Variants in PLK4 observed in about 807,000 individuals in gnomAD.
PLK4 encodes the protein polo like kinase 4.
PLK4 carries 51 observed loss-of-function variants against 103.0 expected under a neutral mutation model. The observed-to-expected ratio is 0.50, with a 90% CI of 0.40 to 0.63. The LOEUF (loss-of-function observed/expected upper bound fraction) is 0.63. PLK4 is among the 20% of genes least tolerant of loss of function. PLK4 has a pLI of 0.00. For synonymous variants in PLK4, 389 were observed against 376.8 expected, an observed-to-expected ratio of 1.03 and a Z score of -0.38; for missense variants, 1,054 against 1,151.0, an observed-to-expected ratio of 0.92 and a Z score of 1.22.
At chr4:127,887,738 G>T (rs979068341) in intron 6 of PLK4, among the ~76,000 whole-genome samples, 1 of 151,612 alleles carries the variant, frequency 6.6e-6, no homozygotes, top group Non-Finnish European at 1.5e-5. Context: ...AGTTGAGTGT[G>T]GTGGCATGTA....
intron 13 of PLK4, among the ~76,000 whole-genome samples, chr4:127,894,314 C>T (rs1032831789): frequency 1.3e-5 from 2 of 152,076 alleles, no homozygotes; most frequent in African/African-American, 2.4e-5. Context: ...GCAAGCTCCA[C>T]CTCCTGGGTT....
chr4:127,885,478 CAAAAAAA>C (rs397878802), intron 4 of PLK4, among the ~76,000 whole-genome samples: 3 of 49,808 alleles, frequency 6.0e-5, no homozygotes, highest in Non-Finnish European at 1.4e-4. Flanking sequence ...GACTCCGTCT[CAAAAAAA>C]AAAAAAAAAA....
rs1456235557 is a variant in PLK4, at chr4:127,881,927, G to C, written c.126+1G>C. On this transcript the variant is annotated splice_donor_variant, in intron 2 of 15. Transcript: ENST00000270861. LOFTEE classifies it high-confidence loss of function. ...TGGTTTGGAAGTTGCAATCAAAATG[G>C]TAAGAATAAACTAATCAACTTCTCT... 6.5e-7 allele frequency: 1 copy of C among 1,535,278 alleles called. No homozygotes were observed. The highest frequency in any genetic ancestry group is 1.4e-5 in the African/African-American group (1 of 73,298).
chr4:127,887,244 G>T (rs1172446842), intron 5 of PLK4, 152 bp from the exon 6 acceptor site: 4 of 556,462 alleles, frequency 7.2e-6, no homozygotes, highest in African/African-American at 1.9e-5. Flanking sequence ...GCTTTTTAAA[G>T]ATAGCATAGT....
chr4:127,892,193 T>G (rs918855603), intron 9 of PLK4, 172 bp from the exon 10 acceptor site: 6 of 418,980 alleles, frequency 1.4e-5, no homozygotes, highest in Non-Finnish European at 2.5e-5. Flanking sequence ...GGTTTCTGGA[T>G]ATTATGGACT....
chr4:127,889,939 G>T lies in PLK4; in HGVS notation c.1533G>T (p.Gln511His), dbSNP rs1391644922. ...ACTTCCAGGGCCATCCAGATTTGCA[G>T]AAGGACACATCAAAAAATGCCTGGA... ...NRDFQGHPDL[Q>H]KDTSKNAWTD... Residue 511 changes from glutamine to histidine, a missense_variant, in exon 7 of 16, where the codon CAG (glutamine) becomes CAT (histidine). Physicochemically the swap from Gln to His is conservative, Grantham distance 24. Transcript: ENST00000270861. The T allele has an allele frequency of 1.2e-6, 2 of 1,613,810 alleles. No homozygotes were observed. Among genetic ancestry groups the T allele is most frequent in the Non-Finnish European group, 1.7e-6 (2 of 1,179,876 alleles).
intron 7 of PLK4, among the ~76,000 whole-genome samples, chr4:127,890,548 A>G (rs1418260357): frequency 6.6e-6 from 1 of 152,178 alleles, no homozygotes; most frequent in Non-Finnish European, 1.5e-5. Flanking sequence ...TCACAATTCC[A>G]ATCAGTGAGC....
In PLK4 at chr4:127,881,925, T is replaced by C; in HGVS notation, c.125T>C (p.Met42Thr). ...IHTGLEVAIK[M>T]IDKKAMYKAG... Reference sequence around the variant, plus strand: ...ACTGGTTTGGAAGTTGCAATCAAAATGGTAAGAATAAACTAATCAACTTCT... The same window carrying C: ...ACTGGTTTGGAAGTTGCAATCAAAACGGTAAGAATAAACTAATCAACTTCT... Residue 42 changes from methionine to threonine, a missense_variant and splice_region_variant, in exon 2 of 16, where the codon ATG becomes ACG. Met to Thr is a moderately conservative substitution (Grantham distance 81). This residue lies in a region of PLK4 where 199 missense variants were observed against 270.1 expected (regional missense o/e 0.74). Coordinates refer to ENST00000270861, the MANE Select transcript of PLK4 (RefSeq NM_014264.5). 1 of 1,543,224 alleles carries C rather than the reference T, an allele frequency of 6.5e-7. No homozygotes were observed. The highest frequency in any genetic ancestry group is 2.2e-5 in the East Asian group (1 of 44,546).
chr4:127,882,479 G>A (rs1019944574), intron 2 of PLK4, among the ~76,000 whole-genome samples: 1 of 152,142 alleles, frequency 6.6e-6, no homozygotes, highest in Non-Finnish European at 1.5e-5. Flanking sequence ...ATTAGCTGCT[G>A]CTGGGCACGG....
In PLK4 at chr4:127,898,649, G is replaced by T; in HGVS notation, c.*108G>T. The T allele has an allele frequency of 1.6e-6, 1 of 622,054 alleles. No homozygotes were observed. The highest frequency in any genetic ancestry group is 2.8e-6 in the Non-Finnish European group (1 of 353,366). 38.5% of individuals were successfully genotyped at this position (622,054 alleles called of 1,614,324 possible). ...TAAAGTCTTCAGAAAGCCTTTCTAT[G>T]AAAGAATTTTAACCTATAATGTAAA... On this transcript the variant is annotated 3_prime_UTR_variant, in exon 16 of 16. Transcript: ENST00000270861.
rs554544482 is a variant in PLK4, at chr4:127,892,163, C to G, written c.2039-202C>G. On this transcript the variant is annotated intron_variant, in intron 9 of 15. Coordinates refer to ENST00000270861, the MANE Select transcript of PLK4 (RefSeq NM_014264.5). ...AATGATTATTTATAATTATAGTTAA[C>G]CAAATTTGACTCCCAGTTTGGTTTC... 1.3e-4 allele frequency: 50 copies of G among 372,292 alleles called. 1 individual carries two copies. Among genetic ancestry groups the G allele is most frequent in the Non-Finnish European group, 2.3e-4 (48 of 209,766 alleles). The allele number at this position is 372,292 out of a possible 1,614,324, so 23.1% of individuals were successfully genotyped here.
chr4:127,895,531 C>T (rs1481137708), intron 14 of PLK4, among the ~76,000 whole-genome samples: 2 of 131,598 alleles, frequency 1.5e-5, no homozygotes, highest in Non-Finnish European at 3.1e-5. Context: ...ACACCATTCT[C>T]CTGCCTCAGC....
chr4:127,881,278 G>C, intron 1 of PLK4, 114 bp downstream of exon 1: 2 of 1,571,316 alleles, frequency 1.3e-6, no homozygotes, highest in South Asian at 2.3e-5. Flanking sequence ...GGGCACCGAG[G>C]TGCTTAGGGA....
Position 127,883,476 on chromosome 4 carries a change from T to C in PLK4, c.260T>C (p.Leu87Pro). 6.5e-7 allele frequency: 1 copy of C among 1,529,082 alleles called. No individual in the cohort carries two copies. The allele number at this position is 1,529,082 out of a possible 1,614,324, so 94.7% of individuals were successfully genotyped here. The change falls in exon 4 of 16, where the codon CTG (leucine) becomes CCG (proline). Residue 87 changes from leucine to proline, a missense_variant. Leu to Pro is a moderately conservative substitution (Grantham distance 98). Coordinates refer to ENST00000270861, the MANE Select transcript of PLK4 (RefSeq NM_014264.5). Reference sequence around the variant, plus strand: ...TTTGAAGATAGCAATTATGTGTATCTGGTATTAGAAATGTGCCATAATGGA... The same window carrying C: ...TTTGAAGATAGCAATTATGTGTATCCGGTATTAGAAATGTGCCATAATGGA... ...NYFEDSNYVYLVLEMCHNGEM... is the reference protein window; with the variant it reads ...NYFEDSNYVYPVLEMCHNGEM...
Position 127,898,873 on chromosome 4 carries a change from C to T in PLK4, c.*332C>T, listed in dbSNP as rs926624211. ...ATTTGTGCTTTTATTGTTTTCCCTG[C>T]GTCTCAGACATGTTGAGAATCATGG... On this transcript the variant is annotated 3_prime_UTR_variant, in exon 16 of 16. Coordinates refer to ENST00000270861, the MANE Select transcript of PLK4 (RefSeq NM_014264.5). 5.9e-6 allele frequency: 1 copy of T among 170,836 alleles called. No homozygotes were observed. The highest frequency in any genetic ancestry group is 1.2e-5 in the Non-Finnish European group (1 of 80,378). 10.6% of individuals were successfully genotyped at this position (170,836 alleles called of 1,614,324 possible).
intron 2 of PLK4, 82 bp downstream of exon 2, chr4:127,882,008 A>G: frequency 1.3e-6 from 1 of 750,560 alleles, no homozygotes; most frequent in Non-Finnish European, 2.4e-6. Flanking sequence ...CTCCTTGTCT[A>G]CTAGCCTTTC....
intron 5 of PLK4, among the ~76,000 whole-genome samples, chr4:127,887,157 A>G (rs570748557): frequency 6.6e-6 from 1 of 152,084 alleles, no homozygotes; most frequent in East Asian, 1.9e-4. Flanking sequence ...TGTGATTTTT[A>G]TGCTTAAATT....
At chr4:127,889,560 A>T (rs983773519) in intron 6 of PLK4, among the ~76,000 whole-genome samples, 1 of 152,154 alleles carries the variant, frequency 6.6e-6, no homozygotes, top group African/African-American at 2.4e-5. Flanking sequence ...ATGCTTTAGG[A>T]TTAATAGGTG....
In PLK4 at chr4:127,886,724, G is replaced by A; in HGVS notation, c.1354G>A (p.Ala452Thr). 1 of 1,588,358 alleles carries A rather than the reference G, an allele frequency of 6.3e-7. No homozygotes were observed. Among genetic ancestry groups the A allele is most frequent in the East Asian group, 2.2e-5 (1 of 44,756 alleles). ...GSFERPDNNQ[A>T]LSNHLCPGKT... Reference sequence around the variant, plus strand: ...TTTTGAAAGACCTGATAACAATCAAGCACTGTAAGAATAATTCTATCAGAG... The same window carrying A: ...TTTTGAAAGACCTGATAACAATCAAACACTGTAAGAATAATTCTATCAGAG... Residue 452 changes from alanine to threonine, a missense_variant, in exon 5 of 16, where the codon GCA (alanine) becomes ACA (threonine). By Grantham distance (58) the Ala-to-Thr change is moderately conservative. This residue lies in a region of PLK4 where 680 missense variants were observed against 660.3 expected (regional missense o/e 1.03). Coordinates refer to ENST00000270861, the MANE Select transcript of PLK4 (RefSeq NM_014264.5).
Sources: gnomAD v4.1 joint callset for allele counts (sites outside exome capture counted in the v4.1 genomes callset) on GRCh38, gnomAD v4.1.1 for gene constraint, gnomAD v4.1.1 regional missense constraint, MANE v1.5 for transcripts, NCBI Gene and HGNC (gene_info 2026-07-23, HGNC 2026-07-21) for gene names.